The following ZBTB38 variants were observed in gnomAD, a reference collection of about 807,000 sequenced individuals.
ZBTB38 encodes the protein zinc finger and BTB domain-containing protein 38.
ZBTB38 carries 20 observed loss-of-function variants against 76.8 expected under a neutral mutation model. The ratio of observed to expected loss-of-function variants is 0.26; its 90% CI spans 0.18 to 0.38. The LOEUF is 0.38. ZBTB38 is among the 10% of genes least tolerant of loss of function. The pLI is 1.00. For missense variants in ZBTB38, 1,082 were observed against 1,482.3 expected (o/e 0.73, Z 4.43); for synonymous variants, 504 against 544.2 (o/e 0.93, Z 1.03).
upstream of ZBTB38, among the ~76,000 whole-genome samples, chr3:141,365,549 A>T (rs1475477069): frequency 6.6e-6 from 1 of 152,184 alleles, no homozygotes; most frequent in Non-Finnish European, 1.5e-5. Flanking sequence ...TGGATTAACC[A>T]CCTCTGAAAG....
intron 5 of ZBTB38, among the ~76,000 whole-genome samples, chr3:141,430,006 G>C (rs954196099): frequency 6.6e-6 from 1 of 152,212 alleles, no homozygotes. Flanking sequence ...CCGCTGAAGG[G>C]CTTTGAGCAG....
At chr3:141,416,926 G>T (rs2074187781) in intron 5 of ZBTB38, among the ~76,000 whole-genome samples, 1 of 152,182 alleles carries the variant, frequency 6.6e-6, no homozygotes, top group South Asian at 2.1e-4. Context: ...TGGACATCTG[G>T]CTTCCAGAAT....
intron 5 of ZBTB38, among the ~76,000 whole-genome samples, chr3:141,415,499 C>T (rs567060812): frequency 1.3e-5 from 2 of 152,274 alleles, no homozygotes; most frequent in East Asian, 3.9e-4. Context: ...AAATACAGAG[C>T]CTCGAGCCCT....
chr3:141,445,354 G>C lies in ZBTB38; in HGVS notation c.2966G>C (p.Gly989Ala). 2 of 1,614,116 alleles carry C rather than the reference G, an allele frequency of 1.2e-6. No homozygotes were observed. Among genetic ancestry groups the C allele is most frequent in the Non-Finnish European group, 1.7e-6 (2 of 1,180,012 alleles). Residue 989 changes from glycine to alanine, a missense_variant, in exon 6 of 6, where the codon GGA becomes GCA. Gly to Ala is a moderately conservative substitution (Grantham distance 60). This residue lies in a region of ZBTB38 where 471 missense variants were observed against 581.0 expected (regional missense o/e 0.81). Transcript: ENST00000321464. This position sits in a 1 kb window ranked among gnomAD's most constrained non-coding sequence, Gnocchi z 6.5. ...AAGCTGCAGTGTGAACTCTGTGATG[G>C]AGACAAAGCAGTGGGGGCTGGAAAC... ...MPKLQCELCDGDKAVGAGNQG... is the reference protein window; with the variant it reads ...MPKLQCELCDADKAVGAGNQG...
In ZBTB38 at chr3:141,444,991, A is replaced by T; in HGVS notation, c.2603A>T (p.Tyr868Phe). The T allele has an allele frequency of 6.2e-7, 1 of 1,614,218 alleles. No homozygotes were observed. The highest frequency in any genetic ancestry group is 8.5e-7 in the Non-Finnish European group (1 of 1,180,040). The change falls in exon 6 of 6, where the codon TAT becomes TTT. Residue 868 changes from tyrosine to phenylalanine, a missense_variant. Physicochemically the swap from Tyr to Phe is conservative, Grantham distance 22. Coordinates refer to ENST00000321464, the MANE Select transcript of ZBTB38 (RefSeq NM_001376113.1). This position sits in a 1 kb window ranked among gnomAD's most constrained non-coding sequence, Gnocchi z 5.1. ...LFYKRGRRPKYQMQEEPLPQG... is the reference protein window; with the variant it reads ...LFYKRGRRPKFQMQEEPLPQG... Reference sequence around the variant, plus strand: ...TATAAAAGAGGGAGAAGACCCAAGTATCAGATGCAGGAGGAGCCTTTGCCA... The same window carrying T: ...TATAAAAGAGGGAGAAGACCCAAGTTTCAGATGCAGGAGGAGCCTTTGCCA...
chr3:141,410,136 G>T (rs141251888), intron 5 of ZBTB38, among the ~76,000 whole-genome samples: 160 of 152,246 alleles, frequency 1.1e-3, no homozygotes, highest in Non-Finnish European at 2.0e-3. Flanking sequence ...GACAAGCAGG[G>T]GCAGGGACTC....
At chr3:141,407,895 G>T (rs1955160400) in intron 5 of ZBTB38, among the ~76,000 whole-genome samples, 1 of 152,150 alleles carries the variant, frequency 6.6e-6, no homozygotes, top group Non-Finnish European at 1.5e-5. Context: ...ATACGTTCCA[G>T]AGAGTCAGGG....
At chr3:141,390,307 C>T (rs991696615) in intron 4 of ZBTB38, among the ~76,000 whole-genome samples, 4 of 152,116 alleles carry the variant, frequency 2.6e-5, no homozygotes, top group South Asian at 4.1e-4. Flanking sequence ...TTTTTGGCTC[C>T]GGTATTTTTA....
At chr3:141,386,738 G>C (rs1303811900) in intron 3 of ZBTB38, 134 bp from the exon 4 acceptor site, 1 of 152,614 alleles carries the variant, frequency 6.6e-6, no homozygotes, top group Non-Finnish European at 1.5e-5. Context: ...ATTCATTGTG[G>C]AGCAGCTCTG....
upstream of ZBTB38, among the ~76,000 whole-genome samples, chr3:141,365,618 G>A (rs1212841949): frequency 1.3e-5 from 2 of 152,102 alleles, no homozygotes; most frequent in Non-Finnish European, 2.9e-5. Context: ...TTTTGGAGAG[G>A]ACAAATATTT....
intron 1 of ZBTB38, among the ~76,000 whole-genome samples, chr3:141,359,792 A>G (rs1218712910): frequency 1.3e-5 from 2 of 151,834 alleles, no homozygotes; most frequent in Admixed American, 6.6e-5. Flanking sequence ...TTAGCCAGGC[A>G]TGGTGGTCCA....
chr3:141,431,651 G>A (rs1198622230), intron 5 of ZBTB38: 1 of 151,870 alleles, frequency 6.6e-6, no homozygotes, highest in Non-Finnish European at 1.5e-5. Context: ...GACAGTACTC[G>A]TTCTCACAAT....
intron 4 of ZBTB38, chr3:141,403,093 A>G (rs1463999468): frequency 6.6e-6 from 1 of 152,198 alleles, no homozygotes; most frequent in East Asian, 1.9e-4. Flanking sequence ...GGTACATCAT[A>G]AATCACCTGA....
upstream of ZBTB38, among the ~76,000 whole-genome samples, chr3:141,364,789 C>G (rs916337617): frequency 7.2e-6 from 1 of 137,938 alleles, no homozygotes; most frequent in African/African-American, 2.6e-5. Flanking sequence ...CTCCTGAAAA[C>G]ACACTCAACA....
At chr3:141,425,717 A>G (rs2076259536) in intron 5 of ZBTB38, among the ~76,000 whole-genome samples, 2 of 152,268 alleles carry the variant, frequency 1.3e-5, no homozygotes, top group African/African-American at 2.4e-5. Flanking sequence ...TGAGCCTTCA[A>G]TAGTTTGGTC....
At chr3:141,358,052 C>T (rs1943718596) in intron 1 of ZBTB38, among the ~76,000 whole-genome samples, 1 of 152,110 alleles carries the variant, frequency 6.6e-6, no homozygotes, top group African/African-American at 2.4e-5. Flanking sequence ...CTAAAGTAGT[C>T]CTGGTTTGTA....
At chr3:141,335,574 C>T (rs1942991780) in intron 1 of ZBTB38, among the ~76,000 whole-genome samples, 1 of 152,236 alleles carries the variant, frequency 6.6e-6, no homozygotes, top group South Asian at 2.1e-4. Flanking sequence ...CAGCATGATG[C>T]CCTGGGCTGG....
intron 1 of ZBTB38, among the ~76,000 whole-genome samples, chr3:141,369,358 G>T (rs907128075): frequency 2.0e-5 from 3 of 152,046 alleles, no homozygotes; most frequent in African/African-American, 7.2e-5. Flanking sequence ...TTATCTTATC[G>T]CCCTGTTTAC....
At chr3:141,334,328 G>T (rs115734047) in intron 1 of ZBTB38, among the ~76,000 whole-genome samples, 1 of 151,926 alleles carries the variant, frequency 6.6e-6, no homozygotes, top group South Asian at 2.1e-4. Context: ...TGTGAGGGGG[G>T]ATGCTTTCAA....
Sources: gnomAD v4.1 joint callset for allele counts (sites outside exome capture counted in the v4.1 genomes callset) on GRCh38, gnomAD v4.1.1 for gene constraint, gnomAD v4.1.1 regional missense constraint, Gnocchi (gnomAD v3.1) non-coding constraint, MANE v1.5 for transcripts, NCBI Gene and HGNC (gene_info 2026-07-23, HGNC 2026-07-21) for gene names.